The following RALGPS1 variants were observed in gnomAD, a reference collection of about 807,000 sequenced individuals.
The protein encoded by RALGPS1 is Ral GEF with PH domain and SH3 binding motif 1, also known as ras-specific guanine nucleotide-releasing factor RalGPS1.
A neutral mutation model predicts 78.8 loss-of-function variants in RALGPS1; 19 were observed. The ratio of observed to expected loss-of-function variants is 0.24; its 90% CI spans 0.17 to 0.35. The LOEUF (loss-of-function observed/expected upper bound fraction) is 0.35, where lower values mean the gene tolerates loss of function less well. Ranked by LOEUF, RALGPS1 falls within the 10% of genes least tolerant of loss-of-function variation. The pLI is 1.00. For synonymous variants in RALGPS1, 228 were observed against 256.3 expected, an observed-to-expected ratio of 0.89 and a Z score of 1.06; for missense variants, 454 against 688.3, an observed-to-expected ratio of 0.66 and a Z score of 3.81.
chr9:127,041,177 C>T (rs902254424), intron 5 of RALGPS1, among the ~76,000 whole-genome samples: 6 of 151,862 alleles, frequency 4.0e-5, no homozygotes, highest in African/African-American at 9.7e-5. Flanking sequence ...CTGCAACCTC[C>T]GCCTCCTGGA....
intron 4 of RALGPS1, among the ~76,000 whole-genome samples, chr9:127,020,480 A>G (rs1434571876): frequency 6.6e-6 from 1 of 152,244 alleles, no homozygotes; most frequent in Non-Finnish European, 1.5e-5. Flanking sequence ...CAGAAAACCA[A>G]AGTAATAAAT....
chr9:127,118,049 A>G (rs1188122993), intron 8 of RALGPS1, among the ~76,000 whole-genome samples: 1 of 152,076 alleles, frequency 6.6e-6, no homozygotes, highest in Non-Finnish European at 1.5e-5. Flanking sequence ...GGCTCCCCAC[A>G]CCCAACATTT....
rs539325878 is a variant in RALGPS1, at chr9:127,194,535, C to A, written c.911-556C>A. 4.3e-4 allele frequency among the ~76,000 whole-genome samples: 65 copies of A among 152,322 alleles called. 1 individual carries two copies. In the South Asian group the frequency reaches 8.7e-3, roughly 20 times the overall value. ...TCAAGCGATTCTTCTGCCTCAGCCT[C>A]CCGAGTAGCTGGGATTACAGGCATG... On this transcript the variant is annotated intron_variant, in intron 11 of 18. Transcript: ENST00000259351.
intron 4 of RALGPS1, among the ~76,000 whole-genome samples, chr9:127,006,755 T>C (rs1310586695): frequency 1.3e-5 from 2 of 152,142 alleles, no homozygotes; most frequent in African/African-American, 2.4e-5. Context: ...GAGTTAGATA[T>C]AAACCTAGGT....
At chr9:127,050,569 C>A (rs2048216417) in intron 6 of RALGPS1, among the ~76,000 whole-genome samples, 1 of 152,188 alleles carries the variant, frequency 6.6e-6, no homozygotes, top group Admixed American at 6.5e-5. Context: ...AGTCAGCACA[C>A]CCCACCCACC....
chr9:126,921,351 G>A (rs1588443765), intron 1 of RALGPS1, among the ~76,000 whole-genome samples: 2 of 152,302 alleles, frequency 1.3e-5, no homozygotes, highest in Middle Eastern at 6.8e-3. Flanking sequence ...CCCACTTTCT[G>A]CGTGAGCTCT....
chr9:127,134,202 A>C (rs2057238898), intron 8 of RALGPS1, among the ~76,000 whole-genome samples: 1 of 152,058 alleles, frequency 6.6e-6, no homozygotes, highest in Non-Finnish European at 1.5e-5. Context: ...AAAGACCCAC[A>C]GTCTCTTTTG....
intron 11 of RALGPS1, chr9:127,177,896 G>C: frequency 6.5e-7 from 1 of 1,549,420 alleles, no homozygotes; most frequent in South Asian, 1.2e-5. Flanking sequence ...TTGTTTATTA[G>C]CCATGTGAGA....
intron 11 of RALGPS1, among the ~76,000 whole-genome samples, chr9:127,192,331 C>G (rs58585321): frequency 6.6e-6 from 1 of 152,356 alleles, no homozygotes; most frequent in African/African-American, 2.4e-5. Context: ...GCTCCCATTC[C>G]AGGCCAGGCG....
chr9:127,003,302 C>T (rs903112248), intron 4 of RALGPS1, among the ~76,000 whole-genome samples: 1 of 151,976 alleles, frequency 6.6e-6, no homozygotes, highest in African/African-American at 2.4e-5. Context: ...GCAACCTACT[C>T]ATCTGACAAA....
chr9:126,931,681 T>G (rs1023548866), intron 1 of RALGPS1, among the ~76,000 whole-genome samples: 1 of 152,188 alleles, frequency 6.6e-6, no homozygotes, highest in East Asian at 1.9e-4. Context: ...TGATAAAATG[T>G]TCTGGAATTA....
intron 8 of RALGPS1, among the ~76,000 whole-genome samples, chr9:127,077,040 G>A (rs1431015158): frequency 6.6e-6 from 1 of 152,100 alleles, no homozygotes; most frequent in Non-Finnish European, 1.5e-5. Flanking sequence ...GGAAGGGAGG[G>A]GAAGATTGCT....
chr9:126,928,523 G>A (rs888090027), intron 1 of RALGPS1, among the ~76,000 whole-genome samples: 8 of 152,080 alleles, frequency 5.3e-5, no homozygotes, highest in Admixed American at 2.0e-4. Flanking sequence ...ATAAAGAAAT[G>A]TTTCAGAATA....
At chr9:127,189,635 G>C (rs2060913327) in intron 11 of RALGPS1, among the ~76,000 whole-genome samples, 1 of 152,232 alleles carries the variant, frequency 6.6e-6, no homozygotes, top group African/African-American at 2.4e-5. Context: ...AAGTTGGGTG[G>C]TTGGAGGAGA....
intron 8 of RALGPS1, among the ~76,000 whole-genome samples, chr9:127,138,604 C>T (rs970103378): frequency 3.9e-5 from 6 of 152,178 alleles, no homozygotes; most frequent in Admixed American, 2.0e-4. Context: ...AAAAGGCTCT[C>T]GGTGCCAGTC....
At chr9:126,926,834 A>C (rs2035327356) in intron 1 of RALGPS1, among the ~76,000 whole-genome samples, 1 of 152,052 alleles carries the variant, frequency 6.6e-6, no homozygotes, top group South Asian at 2.1e-4. Flanking sequence ...ACTGATGTAG[A>C]GGCCTCTCCT....
chr9:127,214,814 A>G lies in RALGPS1; in HGVS notation c.1616A>G (p.Asp539Gly). ...FHAILWHKHLDDACKSNRPQV... is the reference protein window; with the variant it reads ...FHAILWHKHLGDACKSNRPQV... ...GCAATACTGTGGCACAAGCATTTGG[A>G]TGATGCATGTAAAAGCAACAGGCCT... is the stretch of plus-strand genomic sequence containing the variant. The change falls in exon 18 of 19, where the codon GAT (aspartate) becomes GGT (glycine). Residue 539 changes from aspartate to glycine, a missense_variant. Asp to Gly is a moderately conservative substitution (Grantham distance 94). Transcript: ENST00000259351. 1 of 1,612,502 alleles carries G rather than the reference A, an allele frequency of 6.2e-7. No individual in the cohort carries two copies. Among genetic ancestry groups the G allele is most frequent in the Non-Finnish European group, 8.5e-7 (1 of 1,179,460 alleles).
intron 4 of RALGPS1, among the ~76,000 whole-genome samples, chr9:127,033,646 C>A (rs1430115770): frequency 6.6e-6 from 1 of 152,210 alleles, no homozygotes; most frequent in African/African-American, 2.4e-5. Flanking sequence ...CAGGGCTCCA[C>A]AAGGCACACA....
chr9:127,059,164 C>T (rs1383434403), intron 7 of RALGPS1, among the ~76,000 whole-genome samples: 1 of 152,184 alleles, frequency 6.6e-6, no homozygotes, highest in Non-Finnish European at 1.5e-5. Flanking sequence ...GTCTTTCATC[C>T]AGGAAGTGCC....
Sources: gnomAD v4.1 joint callset for allele counts (sites outside exome capture counted in the v4.1 genomes callset) on GRCh38, gnomAD v4.1.1 for gene constraint, MANE v1.5 for transcripts, NCBI Gene and HGNC (gene_info 2026-07-23, HGNC 2026-07-21) for gene names.